The following FNBP4 variants were observed in gnomAD, a reference collection of about 807,000 sequenced individuals.
The protein encoded by FNBP4 is formin-binding protein 4.
FNBP4 carries 34 observed loss-of-function variants against 119.3 expected under a neutral mutation model. The observed-to-expected ratio is 0.28, with a 90% CI of 0.22 to 0.38. The LOEUF (loss-of-function observed/expected upper bound fraction) is 0.38. Among genes scored for constraint, FNBP4 ranks in the 10% least tolerant of loss-of-function variants. The probability of loss-of-function intolerance (pLI) is 1.00; values close to 1 mark genes in which losing one functional copy is unlikely to be tolerated. For missense variants in FNBP4, 1,112 were observed against 1,228.9 expected, an observed-to-expected ratio of 0.90 and a Z score of 1.42; for synonymous variants, 462 against 430.6, an observed-to-expected ratio of 1.07 and a Z score of -0.90.
intron 2 of FNBP4, among the ~76,000 whole-genome samples, chr11:47,757,413 C>T (rs1490446813): frequency 6.6e-6 from 1 of 151,872 alleles, no homozygotes; most frequent in East Asian, 1.9e-4. Context: ...GGGGTTTCAC[C>T]GTGTTAGCCA....
intron 8 of FNBP4, among the ~76,000 whole-genome samples, chr11:47,737,128 T>C (rs2097575328): frequency 6.6e-6 from 1 of 152,020 alleles, no homozygotes; most frequent in Non-Finnish European, 1.5e-5. Flanking sequence ...GAGGCGGAGG[T>C]TGCAGTGAGC....
At chr11:47,725,728 T>C (rs1266700275) in intron 12 of FNBP4, 18 of 910,058 alleles carry the variant, frequency 2.0e-5, no homozygotes, top group Non-Finnish European at 2.2e-5. Flanking sequence ...GAAAATAGGA[T>C]ATACTTACTT....
intron 2 of FNBP4, among the ~76,000 whole-genome samples, chr11:47,763,970 T>TA (rs907212248): frequency 7.2e-5 from 11 of 152,126 alleles, no homozygotes; most frequent in Non-Finnish European, 1.6e-4. Flanking sequence ...AATGTGCCCC[T>TA]AAAAAGGATG....
chr11:47,735,786 A>T (rs901236846), intron 9 of FNBP4, among the ~76,000 whole-genome samples: 3 of 150,200 alleles, frequency 2.0e-5, no homozygotes, highest in African/African-American at 4.9e-5. Context: ...AAATGGCATT[A>T]AAAAAAAATG....
intron 4 of FNBP4, 77 bp from the exon 5 acceptor site, chr11:47,751,367 C>A: frequency 6.5e-7 from 1 of 1,531,484 alleles, no homozygotes; most frequent in East Asian, 2.3e-5. Flanking sequence ...GCCAAAATCA[C>A]CTAACAGTTT....
At position 47,744,031 on chromosome 11, in the gene FNBP4, C is replaced by A. The variant is rs1225622709; in HGVS notation, c.1378G>T (p.Val460Phe). 6.2e-7 allele frequency: 1 copy of A among 1,614,106 alleles called. No individual in the cohort carries two copies. The highest frequency in any genetic ancestry group is 1.7e-5 in the Admixed American group (1 of 59,972). ...GTAGATTCTGGACTGGTAGCTCGAA[C>A]AAACATCTTCCATTTTCCTCTTTTA... ...MSKRGKWKMF[V>F]RATSPESTSR... The change falls in exon 8 of 17, where the codon GTT becomes TTT. Residue 460 changes from valine to phenylalanine, a missense_variant. Coordinates refer to ENST00000263773, the MANE Select transcript of FNBP4 (RefSeq NM_015308.5).
At chr11:47,720,429 G>A (rs1047240670) in intron 15 of FNBP4, among the ~76,000 whole-genome samples, 3 of 151,932 alleles carry the variant, frequency 2.0e-5, no homozygotes, top group Non-Finnish European at 2.9e-5. Flanking sequence ...TTAGCCAGAC[G>A]TGGTGGCGGG....
intron 12 of FNBP4, chr11:47,726,882 TTTC>T (rs2097561654): frequency 6.6e-6 from 1 of 152,214 alleles, no homozygotes; most frequent in South Asian, 2.1e-4. Context: ...CTCTATTTTC[TTTC>T]TTTTTTTTAA....
chr11:47,723,107 G>T lies in FNBP4; in HGVS notation c.2674C>A (p.Gln892Lys). ...GVTAPSLQPV[Q>K]ARGAVPTATI... ...GCGGTAGGCACAGCACCTCGGGCCT[G>T]AACTGGCTGCAATGAGGGAGCAGTC... Residue 892 changes from glutamine to lysine, a missense_variant, in exon 15 of 17, where the codon CAG becomes AAG. Around this residue, in one of 2 missense-constraint regions of FNBP4, gnomAD observed 826 missense variants for 988.8 expected, o/e 0.84. Coordinates refer to ENST00000263773, the MANE Select transcript of FNBP4 (RefSeq NM_015308.5). 1 of 1,614,048 alleles carries T rather than the reference G, an allele frequency of 6.2e-7. No individual in the cohort carries two copies. Among genetic ancestry groups the T allele is most frequent in the South Asian group, 1.1e-5 (1 of 91,068 alleles).
intron 12 of FNBP4, chr11:47,726,704 T>G (rs1042108714): frequency 6.6e-6 from 1 of 152,192 alleles, no homozygotes; most frequent in Non-Finnish European, 1.5e-5. Context: ...GCATTAACTT[T>G]TAGACAAAAT....
At chr11:47,726,503 C>T (rs1206883561) in intron 12 of FNBP4, 1 of 146,772 alleles carries the variant, frequency 6.8e-6, no homozygotes, top group Admixed American at 7.1e-5. Context: ...AACAGACAGA[C>T]AATACATTGT....
intron 1 of FNBP4, among the ~76,000 whole-genome samples, chr11:47,766,179 T>G (rs1024169222): frequency 1.3e-5 from 2 of 151,946 alleles, no homozygotes; most frequent in Non-Finnish European, 2.9e-5. Flanking sequence ...CCGGGCATGG[T>G]GGCAGGGTCC....
Position 47,724,468 on chromosome 11 carries a change from C to T in FNBP4, c.2319G>A (p.Gln773=). ...PSAQTTVVTS[Q]SSVDSTISSS... ...CAGAATGCCAAAGGGAATTACTTACCTGGCTAGTTACAACTGTGGTTTGTG... is the reference window on the plus strand; with the variant it reads ...CAGAATGCCAAAGGGAATTACTTACTTGGCTAGTTACAACTGTGGTTTGTG... The change falls in exon 13 of 17, where the codon CAG becomes CAA. Residue 773 remains glutamine (Q), a splice_region_variant and synonymous_variant. Transcript: ENST00000263773. 1 of 1,614,206 alleles carries T rather than the reference C, an allele frequency of 6.2e-7. No individual in the cohort carries two copies. Among genetic ancestry groups the T allele is most frequent in the Middle Eastern group, 1.6e-4 (1 of 6,062 alleles).
At chr11:47,750,350 CCAGCCTGGGCAA>C (rs2097599526) in intron 6 of FNBP4, among the ~76,000 whole-genome samples, 1 of 128,772 alleles carries the variant, frequency 7.8e-6, no homozygotes, top group Non-Finnish European at 1.6e-5. Context: ...CCACTGCGCT[CCAGCCTGGGCAA>C]CAGAGCGAGA....
At chr11:47,737,011 T>C (rs1384338791) in intron 8 of FNBP4, among the ~76,000 whole-genome samples, 6 of 152,194 alleles carry the variant, frequency 3.9e-5, no homozygotes, top group Admixed American at 2.0e-4. Context: ...CGAGACCATC[T>C]TGGCTAACAC....
intron 12 of FNBP4, chr11:47,727,033 A>C (rs1676777529): frequency 6.6e-6 from 1 of 152,242 alleles, no homozygotes; most frequent in Non-Finnish European, 1.5e-5. Flanking sequence ...TAGAAGCATA[A>C]TGCAATACCA....
intron 12 of FNBP4, among the ~76,000 whole-genome samples, chr11:47,730,977 C>T (rs1382733622): frequency 6.6e-6 from 1 of 152,096 alleles, no homozygotes; most frequent in Non-Finnish European, 1.5e-5. Flanking sequence ...AATGAGGTTG[C>T]AATATGAACA....
At chr11:47,721,130 G>C (rs1048976109) in intron 15 of FNBP4, among the ~76,000 whole-genome samples, 25 of 151,456 alleles carry the variant, frequency 1.7e-4, no homozygotes, top group Non-Finnish European at 3.2e-4. Flanking sequence ...GACCATCCTA[G>C]CTAACACGGT....
Position 47,732,447 on chromosome 11 carries a change from G to T in FNBP4, c.1820+90C>A. On this transcript the variant is annotated intron_variant, in intron 11 of 16. Coordinates refer to ENST00000263773, the MANE Select transcript of FNBP4 (RefSeq NM_015308.5). The surrounding 1 kb of genome is among the most constrained non-coding windows in gnomAD (Gnocchi z 4.2). ...TAACTGCAGCTGCTCTCAGTCTCCA[G>T]ACAGGCTGTCATGTCGTCAGATGGT... 6.3e-7 allele frequency: 1 copy of T among 1,583,408 alleles called. No individual in the cohort carries two copies. The highest frequency in any genetic ancestry group is 1.2e-5 in the South Asian group (1 of 85,964).
Sources: gnomAD v4.1 joint callset for allele counts (sites outside exome capture counted in the v4.1 genomes callset) on GRCh38, gnomAD v4.1.1 for gene constraint, gnomAD v4.1.1 regional missense constraint, Gnocchi (gnomAD v3.1) non-coding constraint, MANE v1.5 for transcripts, NCBI Gene and HGNC (gene_info 2026-07-23, HGNC 2026-07-21) for gene names.